Variants in CES4A observed in about 807,000 individuals in gnomAD.
CES4A encodes carboxylesterase 6.
Under a neutral mutation model 65.4 loss-of-function variants are expected in CES4A, and 48 were observed. The observed-to-expected ratio is 0.73, with a 90% CI of 0.58 to 0.93. The LOEUF is 0.93. Ranked by LOEUF, CES4A falls within the 40% of genes least tolerant of loss-of-function variation. The pLI, the probability that CES4A is intolerant of heterozygous loss-of-function variation, is 0.00. For synonymous variants in CES4A, 247 were observed against 281.8 expected, an observed-to-expected ratio of 0.88 and a Z score of 1.24; for missense variants, 685 against 728.5, an observed-to-expected ratio of 0.94 and a Z score of 0.69.
intron 1 of CES4A, among the ~76,000 whole-genome samples, chr16:66,994,059 C>T (rs1168973716): frequency 6.6e-6 from 1 of 150,946 alleles, no homozygotes; most frequent in Non-Finnish European, 1.5e-5. Flanking sequence ...CGAGATCGTG[C>T]CACTGCACTC....
Position 67,000,829 on chromosome 16 carries a change from C to G in CES4A, c.403-28C>G, listed in dbSNP as rs1335418583. 3.2e-6 allele frequency: 5 copies of G among 1,560,598 alleles called. No homozygotes were observed. Among genetic ancestry groups the G allele is most frequent in the Non-Finnish European group, 4.3e-6 (5 of 1,151,954 alleles). On this transcript the variant is annotated intron_variant, in intron 3 of 13. Transcript: ENST00000648724. The surrounding 1 kb of genome is among the most constrained non-coding windows in gnomAD (Gnocchi z 4.2). ...GCGGTCCCACCGCCGCCCACCGCCC[C>G]GCTCAGATCCCGGCCTTCTTCGTCC... is the stretch of plus-strand genomic sequence containing the variant.
chr16:67,005,352 C>A, exon 11 of CES4A: 2 of 1,614,172 alleles, frequency 1.2e-6, no homozygotes, highest in South Asian at 2.2e-5. Context: ...CAAGATGCCA[C>A]TTTCGTGTAT....
At chr16:66,991,307 G>A (rs768584564) in intron 1 of CES4A, among the ~76,000 whole-genome samples, 1 of 152,196 alleles carries the variant, frequency 6.6e-6, no homozygotes, top group African/African-American at 2.4e-5. Flanking sequence ...TTACAGGCGT[G>A]AGCCACCACA....
Position 67,003,274 on chromosome 16 carries a change from G to A in CES4A, c.814G>A (p.Gly272Arg). 4 of 1,614,188 alleles carry A rather than the reference G, an allele frequency of 2.5e-6. No individual in the cohort carries two copies. The highest frequency in any genetic ancestry group is 3.4e-6 in the Non-Finnish European group (4 of 1,180,032). Reference sequence around the variant, plus strand: ...TCTATAGAAGGTTGCCCACCTGGCTGGATGCAACCACAACAGCACACAGAT... The same window carrying A: ...TCTATAGAAGGTTGCCCACCTGGCTAGATGCAACCACAACAGCACACAGAT... The change falls in exon 7 of 14, where the codon GGA becomes AGA. Residue 272 changes from glycine to arginine, a missense_variant. Transcript: ENST00000648724. This position sits in a 1 kb window ranked among gnomAD's most constrained non-coding sequence, Gnocchi z 4.2.
chr16:67,004,987 C>G, intron 10 of CES4A, 114 bp downstream of exon 10: 1 of 904,018 alleles, frequency 1.1e-6, no homozygotes, highest in South Asian at 1.5e-5. Context: ...AAGGATCTTT[C>G]TTGGAGGGTC....
rs757415010 is a variant in CES4A, at chr16:67,000,730, A to T, written c.353A>T (p.Tyr118Phe). The change falls in exon 3 of 14, where the codon TAC becomes TTC. Residue 118 changes from tyrosine (Y) to phenylalanine (F), a missense_variant. By Grantham distance (22) the Tyr-to-Phe change is conservative. Transcript: ENST00000648724. The surrounding 1 kb of genome is among the most constrained non-coding windows in gnomAD (Gnocchi z 4.2). The stretch of plus-strand genomic sequence containing the variant: ...CTGCGCTTCAGCGAGGACTGTCTGT[A>T]CCTGAACGTGTACGCGCCGGCGCGC... The T allele has an allele frequency of 9.7e-6, 15 of 1,549,888 alleles. No homozygotes were observed. The South Asian group carries it at 1.8e-4, about 18-fold the overall frequency.
chr16:67,009,097 G>A (rs1213192667), exon 14 of CES4A: 3 of 1,614,076 alleles, frequency 1.9e-6, no homozygotes, highest in East Asian at 2.2e-5. Context: ...CTTTTTGGAT[G>A]AGTCTGTACC....
Position 67,001,409 on chromosome 16 carries a change from G to C in CES4A, c.638G>C (p.Gly213Ala). 1.9e-6 allele frequency: 3 copies of C among 1,613,690 alleles called. No homozygotes were observed. The highest frequency in any genetic ancestry group is 2.5e-6 in the Non-Finnish European group (3 of 1,179,878). The change falls in exon 5 of 14, where the codon GGA (glycine) becomes GCA (alanine). Residue 213 changes from glycine (G) to alanine (A), a missense_variant. By Grantham distance (60) the Gly-to-Ala change is moderately conservative (BLOSUM62 0). Coordinates refer to ENST00000648724, the Ensembl canonical transcript of CES4A. The surrounding 1 kb of genome is among the most constrained non-coding windows in gnomAD (Gnocchi z 4.1). ...ATCGCAGCCTTCGGGGGAGACCCAG[G>C]AAATGTGACCCTGTTCGGCCAGTCG...
At chr16:66,996,573 C>CTTGGGCTT (rs1313999334) in intron 2 of CES4A, among the ~76,000 whole-genome samples, 2 of 152,160 alleles carry the variant, frequency 1.3e-5, no homozygotes, top group African/African-American at 4.8e-5. Flanking sequence ...GGCGATTTAC[C>CTTGGGCTT]CAGAACAAGT....
Position 67,001,602 on chromosome 16 carries a change from G to A in CES4A, c.690+141G>A, listed in dbSNP as rs1965359889. 9.9e-7 allele frequency: 1 copy of A among 1,011,438 alleles called. No individual in the cohort carries two copies. Among genetic ancestry groups the A allele is most frequent in the Non-Finnish European group, 1.4e-6 (1 of 710,490 alleles). 62.7% of individuals were successfully genotyped at this position (1,011,438 alleles called of 1,614,324 possible). On this transcript the variant is annotated intron_variant, in intron 5 of 13. Coordinates refer to ENST00000648724, the Ensembl canonical transcript of CES4A. This position sits in a 1 kb window ranked among gnomAD's most constrained non-coding sequence, Gnocchi z 4.1. ...CAGAAATGCTCTCGCCCCTGCCAAGGGTACAGCCCCTCATAGCCAAGGATG... is the reference window on the plus strand; with the variant it reads ...CAGAAATGCTCTCGCCCCTGCCAAGAGTACAGCCCCTCATAGCCAAGGATG...
At chr16:66,989,590 G>T (rs1027385506) in intron 1 of CES4A, among the ~76,000 whole-genome samples, 7 of 151,948 alleles carry the variant, frequency 4.6e-5, no homozygotes, top group Non-Finnish European at 1.0e-4. Context: ...TAACTTACAA[G>T]GATACACCTG....
At chr16:66,995,535 C>A in intron 1 of CES4A, 93 bp from the exon 2 acceptor site, 1 of 1,059,862 alleles carries the variant, frequency 9.4e-7, no homozygotes, top group Non-Finnish European at 1.4e-6. Context: ...TTTCCAGGTG[C>A]CTTGGTCCCA....
downstream of CES4A, among the ~76,000 whole-genome samples, chr16:67,010,254 T>G (rs1165676729): frequency 6.6e-6 from 1 of 151,142 alleles, no homozygotes; most frequent in East Asian, 2.0e-4. Context: ...TTAGTAGAGA[T>G]AGGGTTTCAT....
At chr16:67,009,654 C>A (rs1966032229) in exon 14 of CES4A, 1 of 155,200 alleles carries the variant, frequency 6.4e-6, no homozygotes, top group African/African-American at 2.4e-5. Context: ...GATCTTCTCT[C>A]CCACCCACAC....
chr16:66,993,730 G>A (rs886421749), intron 1 of CES4A, among the ~76,000 whole-genome samples: 1 of 152,210 alleles, frequency 6.6e-6, no homozygotes, highest in Non-Finnish European at 1.5e-5. Context: ...TTAGATGCGA[G>A]TATGCATATG....
rs771926044 is a variant in CES4A at position 67,006,402 on chromosome 16, CCT to C, written c.1328_1329del (p.Pro443ArgfsTer5). 18 of 1,536,604 alleles carry C rather than the reference CCT, an allele frequency of 1.2e-5. No individual in the cohort carries two copies. The highest frequency in any genetic ancestry group is 1.4e-5 in the African/African-American group (1 of 73,138). On this transcript the variant is annotated frameshift_variant, in exon 12 of 14. Transcript: ENST00000648724. LOFTEE classifies it high-confidence loss of function. ...TTCCCTATTCACAGATGCCGGCCTC[CCT>C]GTCTACCTGTATGAATTTGAGCACC...
chr16:66,999,366 C>T (rs900926683), intron 2 of CES4A, among the ~76,000 whole-genome samples: 3 of 152,204 alleles, frequency 2.0e-5, no homozygotes, highest in African/African-American at 7.2e-5. Flanking sequence ...ACAAAAATAC[C>T]CCAAATATCC....
At chr16:66,997,569 G>A (rs1964953019) in intron 2 of CES4A, among the ~76,000 whole-genome samples, 1 of 152,190 alleles carries the variant, frequency 6.6e-6, no homozygotes, top group African/African-American at 2.4e-5. Context: ...AAGGAAAGAA[G>A]AGGAATCACT....
At chr16:66,995,167 G>T (rs377416094) in intron 1 of CES4A, among the ~76,000 whole-genome samples, 2 of 151,624 alleles carry the variant, frequency 1.3e-5, no homozygotes, top group Non-Finnish European at 2.9e-5. Flanking sequence ...AAAATTAGCC[G>T]GGTGTGGTGG....
Sources: allele counts gnomAD v4.1 joint callset (sites outside exome capture counted in the v4.1 genomes callset), GRCh38; gene constraint gnomAD v4.1.1; non-coding constraint Gnocchi (gnomAD v3.1); transcripts MANE v1.5; gene names NCBI Gene and HGNC (gene_info 2026-07-23, HGNC 2026-07-21).